DPP10: variants seen among roughly 807,000 people sequenced by gnomAD.
The protein encoded by DPP10 is dipeptidyl peptidase like 10, also known as inactive dipeptidyl peptidase 10.
In DPP10, 33 loss-of-function variants were observed where a neutral mutation model predicts 120.9. That is an observed-to-expected ratio of 0.27 (90% CI 0.21 to 0.37). The LOEUF is 0.37. Among genes scored for constraint, DPP10 ranks in the 10% least tolerant of loss-of-function variants. The pLI, the probability that DPP10 is intolerant of heterozygous loss-of-function variation, is 1.00. For synonymous variants in DPP10, 337 were observed against 326.1 expected, an observed-to-expected ratio of 1.03 and a Z score of -0.36; for missense variants, 816 against 942.8, an observed-to-expected ratio of 0.87 and a Z score of 1.76.
At chr2:115,587,581 T>C (rs1446581452) in intron 5 of DPP10, among the ~76,000 whole-genome samples, 1 of 152,230 alleles carries the variant, frequency 6.6e-6, no homozygotes, top group African/African-American at 2.4e-5. Flanking sequence ...ACCCCCATGT[T>C]CTTTGCAATC....
Position 115,152,074 on chromosome 2 carries a change from A to G in DPP10, c.61-157165A>G, listed in dbSNP as rs184419202. Among the ~76,000 whole-genome samples, 73 of 152,240 alleles carry G rather than the reference A, an allele frequency of 4.8e-4. 1 individual carries two copies. The highest frequency in any genetic ancestry group is 1.1e-3 in the African/African-American group (45 of 41,542). On this transcript the variant is annotated intron_variant, in intron 1 of 25. Transcript: ENST00000410059. ...ATGTCCTTTAGCTTATTTTAAAATA[A>G]TATGTTACACTTTTGAAAACATTTT...
intron 1 of DPP10, among the ~76,000 whole-genome samples, chr2:114,712,648 A>G (rs1701101442): frequency 6.6e-6 from 1 of 152,210 alleles, no homozygotes; most frequent in African/African-American, 2.4e-5. Flanking sequence ...CCATCATTTT[A>G]TCAATCATAA....
chr2:115,498,675 C>G (rs1484187675), intron 3 of DPP10, among the ~76,000 whole-genome samples: 1 of 142,750 alleles, frequency 7.0e-6, no homozygotes, highest in Non-Finnish European at 1.5e-5. Context: ...GCTATCTTCT[C>G]TTTTACCTAA....
intron 5 of DPP10, among the ~76,000 whole-genome samples, chr2:115,558,688 A>G (rs2080371057): frequency 6.6e-6 from 1 of 151,880 alleles, no homozygotes; most frequent in Admixed American, 6.6e-5. Flanking sequence ...TACTAAAAAA[A>G]AATTACTCTG....
intron 3 of DPP10, among the ~76,000 whole-genome samples, chr2:115,410,496 A>G (rs12711825): frequency 1.3e-5 from 2 of 152,036 alleles, no homozygotes; most frequent in African/African-American, 2.4e-5. Context: ...AGGGGAGAGC[A>G]TGAGGAAGAA....
At position 115,499,523 on chromosome 2, in the gene DPP10, G is replaced by A. The variant is rs1277013604; in HGVS notation, c.285G>A (p.Val95=). Residue 95 remains valine (V), a synonymous_variant, in exon 4 of 26, where the codon GTG becomes GTA. Transcript: ENST00000410059. ...TTGTTGTTGCAGATACAGATGTGGT[G>A]TATAAAAGCGAGAATGGACATGTCA... The part of the protein sequence containing the change: ...EARWINDTDV[V]YKSENGHVIK... 6.2e-7 allele frequency: 1 copy of A among 1,611,056 alleles called. No homozygotes were observed. Among genetic ancestry groups the A allele is most frequent in the Non-Finnish European group, 8.5e-7 (1 of 1,178,240 alleles).
At chr2:115,172,793 C>A (rs889436210) in intron 1 of DPP10, among the ~76,000 whole-genome samples, 1 of 152,104 alleles carries the variant, frequency 6.6e-6, no homozygotes, top group Non-Finnish European at 1.5e-5. Context: ...ATAGACAGAG[C>A]GATGGAAAAT....
intron 1 of DPP10, among the ~76,000 whole-genome samples, chr2:114,470,759 C>T (rs957213524): frequency 2.0e-5 from 3 of 152,208 alleles, no homozygotes; most frequent in African/African-American, 7.2e-5. Context: ...TTTATCTTCT[C>T]CCACAATGAC....
chr2:114,493,936 C>T (rs929805558), intron 1 of DPP10, among the ~76,000 whole-genome samples: 10 of 151,984 alleles, frequency 6.6e-5, no homozygotes, highest in African/African-American at 2.4e-4. Context: ...ACCCTAGTTT[C>T]CTCATCTGTA....
chr2:115,836,349 A>T, intron 22 of DPP10, 93 bp downstream of exon 22: 1 of 1,380,556 alleles, frequency 7.2e-7, no homozygotes, highest in Non-Finnish European at 1.0e-6. Flanking sequence ...CTCATTTATC[A>T]TATGTTATTA....
intron 1 of DPP10, among the ~76,000 whole-genome samples, chr2:115,158,708 A>G (rs1366080188): frequency 6.6e-6 from 1 of 152,220 alleles, no homozygotes; most frequent in Non-Finnish European, 1.5e-5. Flanking sequence ...TTACTGTTAT[A>G]TGAATGTTAT....
intron 1 of DPP10, among the ~76,000 whole-genome samples, chr2:114,863,056 G>T (rs1351650790): frequency 6.6e-6 from 1 of 152,168 alleles, no homozygotes; most frequent in Non-Finnish European, 1.5e-5. Context: ...GTGTGTGTGT[G>T]TGTGCATGCA....
At chr2:115,835,223 A>G (rs1415521194) in intron 21 of DPP10, among the ~76,000 whole-genome samples, 2 of 152,180 alleles carry the variant, frequency 1.3e-5, no homozygotes, top group African/African-American at 4.8e-5. Context: ...AAAAATGGGC[A>G]GATCTCTAGA....
At chr2:115,326,039 A>G (rs2062344338) in intron 2 of DPP10, among the ~76,000 whole-genome samples, 1 of 152,190 alleles carries the variant, frequency 6.6e-6, no homozygotes. Context: ...ATACTCTGCT[A>G]CATTAAAGTC....
intron 1 of DPP10, among the ~76,000 whole-genome samples, chr2:114,954,685 A>T (rs571324533): frequency 4.6e-5 from 7 of 152,232 alleles, no homozygotes; most frequent in African/African-American, 1.4e-4. Context: ...TTGTCTGAAA[A>T]GATAAACCAA....
At chr2:115,318,980 C>T (rs1047446923) in intron 2 of DPP10, among the ~76,000 whole-genome samples, 8 of 152,042 alleles carry the variant, frequency 5.3e-5, no homozygotes, top group East Asian at 1.9e-4. Context: ...TGGATATTCT[C>T]GTCTTATTCC....
chr2:115,444,911 T>C (rs1175303004), intron 3 of DPP10, among the ~76,000 whole-genome samples: 1 of 152,162 alleles, frequency 6.6e-6, no homozygotes, highest in Non-Finnish European at 1.5e-5. Flanking sequence ...GTCAGTGATA[T>C]GGTTTGGCTC....
chr2:114,786,677 T>C (rs1005452416), intron 1 of DPP10, among the ~76,000 whole-genome samples: 2 of 152,212 alleles, frequency 1.3e-5, no homozygotes, highest in Admixed American at 1.3e-4. Context: ...GGTGTTTTAA[T>C]CGTATTAAAA....
At chr2:115,257,150 C>T (rs1359569492) in intron 1 of DPP10, among the ~76,000 whole-genome samples, 3 of 152,196 alleles carry the variant, frequency 2.0e-5, no homozygotes, top group Non-Finnish European at 4.4e-5. Context: ...CTAAACGTTT[C>T]CTTATCTTCC....
Sources: allele counts gnomAD v4.1 joint callset (sites outside exome capture counted in the v4.1 genomes callset), GRCh38; gene constraint gnomAD v4.1.1; transcripts MANE v1.5; gene names NCBI Gene and HGNC (gene_info 2026-07-23, HGNC 2026-07-21).